Variants in CUX1 observed in about 807,000 individuals in gnomAD.
The protein encoded by CUX1 is protein CASP.
In CUX1, 31 loss-of-function variants were observed where a neutral mutation model predicts 158.8. That is an observed-to-expected ratio of 0.20 (90% CI 0.15 to 0.26). The LOEUF (loss-of-function observed/expected upper bound fraction) is 0.26. Ranked by LOEUF, CUX1 falls within the 10% of genes least tolerant of loss-of-function variation. CUX1 has a pLI of 1.00. For missense variants in CUX1, 1,589 were observed against 2,014.6 expected (o/e 0.79, Z 4.04); for synonymous variants, 879 against 862.1 (o/e 1.02, Z -0.34).
chr7:102,104,799 G>A (rs1292303755), intron 6 of CUX1, among the ~76,000 whole-genome samples: 1 of 152,172 alleles, frequency 6.6e-6, no homozygotes, highest in Non-Finnish European at 1.5e-5. Flanking sequence ...GGCTGAGGCA[G>A]GAGACTCACT....
rs977478213 is a variant in CUX1, at chr7:102,084,658, C to T, written c.269-12706C>T. On this transcript the variant is annotated intron_variant, in intron 4 of 23. Transcript: ENST00000292535. ...CAGGCTGGTCTTGAACTCCTGACCT[C>T]GTGATCTACCCGCCTTGGCCTCCCA... 5.5e-5 allele frequency among the ~76,000 whole-genome samples: 7 copies of T among 127,844 alleles called. 2 individuals carry two copies. Among genetic ancestry groups the T allele is most frequent in the East Asian group, 2.0e-4 (1 of 5,114 alleles). 83.9% of individuals were successfully genotyped at this position (127,844 alleles called of 152,430 possible). A position where few individuals can be genotyped will look rare whatever the true frequency, so the allele number is the denominator to read the frequency against.
intron 1 of CUX1, among the ~76,000 whole-genome samples, chr7:101,906,763 T>C (rs377103185): frequency 1.3e-5 from 2 of 152,126 alleles, no homozygotes; most frequent in Non-Finnish European, 2.9e-5. Flanking sequence ...TGTCTCCTTT[T>C]CCTCATTGCG....
chr7:102,007,299 C>T lies in CUX1; in HGVS notation c.142-20799C>T, dbSNP rs527393362. Among the ~76,000 whole-genome samples the T allele has an allele frequency of 9.2e-5, 14 of 152,248 alleles. No homozygotes were observed. The South Asian group carries it at 2.3e-3, about 25-fold the overall frequency. On this transcript the variant is annotated intron_variant, in intron 2 of 23. Transcript: ENST00000292535. ...GTTCATTCTCAGATCAGACCACTCA[C>T]TCACTGAGGCCCTCGGCTCTTCCAC...
At chr7:101,980,486 G>A (rs1283903556) in intron 2 of CUX1, among the ~76,000 whole-genome samples, 2 of 152,264 alleles carry the variant, frequency 1.3e-5, no homozygotes, top group Non-Finnish European at 2.9e-5. Flanking sequence ...TCCAGCCTGG[G>A]CGACAGAGGG....
At chr7:101,942,795 C>T (rs1348910537) in intron 2 of CUX1, among the ~76,000 whole-genome samples, 1 of 152,232 alleles carries the variant, frequency 6.6e-6, no homozygotes, top group Non-Finnish European at 1.5e-5. Context: ...GCAGCTTGAG[C>T]TCCTCCACCG....
intron 2 of CUX1, among the ~76,000 whole-genome samples, chr7:102,010,329 G>A (rs892546268): frequency 2.0e-5 from 3 of 150,806 alleles, no homozygotes; most frequent in Non-Finnish European, 4.4e-5. Context: ...CAGAGGTGGA[G>A]GTTGCAGTGA....
chr7:102,174,991 A>G (rs1327570064), intron 10 of CUX1, among the ~76,000 whole-genome samples: 1 of 152,196 alleles, frequency 6.6e-6, no homozygotes, highest in Admixed American at 6.5e-5. Context: ...GAGGATGGTC[A>G]TGTCTGTGTC....
chr7:102,265,823 A>G (rs2694159), intron 14 of CUX1, among the ~76,000 whole-genome samples: 64,620 of 151,864 alleles, frequency 0.43, 14,526 homozygotes, highest in African/African-American at 0.58. Context: ...TGCCATCATC[A>G]CAATGAGAGG....
chr7:102,194,464 G>A (rs10270614), intron 13 of CUX1, among the ~76,000 whole-genome samples: 72,622 of 151,266 alleles, frequency 0.48, 18,613 homozygotes, highest in African/African-American at 0.63. Context: ...GCCAAGTACT[G>A]TGACATATAC....
intron 8 of CUX1, among the ~76,000 whole-genome samples, chr7:102,149,216 C>T (rs1356156170): frequency 1.3e-5 from 2 of 152,096 alleles, no homozygotes; most frequent in Non-Finnish European, 2.9e-5. Flanking sequence ...TCCCAGTGTC[C>T]CCTGCTCAGT....
At chr7:102,011,859 T>C (rs971981393) in intron 2 of CUX1, among the ~76,000 whole-genome samples, 4 of 152,022 alleles carry the variant, frequency 2.6e-5, no homozygotes, top group African/African-American at 9.6e-5. Context: ...AATTTCGGTC[T>C]TGTCACCCAG....
intron 2 of CUX1, among the ~76,000 whole-genome samples, chr7:101,991,597 A>T (rs889284824): frequency 3.3e-5 from 5 of 152,110 alleles, no homozygotes. Context: ...TGTCTCTACT[A>T]AAAATACCAA....
intron 1 of CUX1, among the ~76,000 whole-genome samples, chr7:101,882,191 A>G (rs994974796): frequency 6.6e-6 from 1 of 152,188 alleles, no homozygotes; most frequent in African/African-American, 2.4e-5. Context: ...TCTCAAAAAC[A>G]AACAAACAAA....
At chr7:102,214,379 C>T (rs1796840106) in intron 20 of CUX1, among the ~76,000 whole-genome samples, 1 of 152,048 alleles carries the variant, frequency 6.6e-6, no homozygotes, top group South Asian at 2.1e-4. Context: ...TAAAATTTAG[C>T]CGAGCATGGT....
At chr7:102,140,521 C>T (rs1834327499) in intron 8 of CUX1, among the ~76,000 whole-genome samples, 2 of 150,690 alleles carry the variant, frequency 1.3e-5, no homozygotes, top group Admixed American at 1.3e-4. Flanking sequence ...GCTAGGATTA[C>T]AGGCATGAGC....
chr7:102,202,278 G>T lies in CUX1; in HGVS notation c.2907+74G>T, dbSNP rs1795528807. On this transcript the variant is annotated intron_variant, in intron 18 of 23. Coordinates refer to ENST00000292535, the MANE Select transcript of CUX1 (RefSeq NM_181552.4). ...CTGAGGACCAAGTATCTATCCCGCA[G>T]CCTGTGACCCTCACCCATTTCAATT... 11 of 1,519,242 alleles carry T rather than the reference G, an allele frequency of 7.2e-6. No individual in the cohort carries two copies. The South Asian group carries it at 1.3e-4, about 18-fold the overall frequency. The allele number at this position is 1,519,242 out of a possible 1,614,324, so 94.1% of individuals were successfully genotyped here.
upstream of CUX1, chr7:101,817,331 G>A (rs1298271916): frequency 2.0e-6 from 2 of 984,926 alleles, no homozygotes; most frequent in South Asian, 4.7e-5. The surrounding 1 kb of genome is among the most constrained non-coding windows in gnomAD (Gnocchi z 4.1). Flanking sequence ...CCTCTCTGCA[G>A]GGCCCGCCAT....
At chr7:102,277,393 C>T (rs1791685674) in intron 17 of CUX1, among the ~76,000 whole-genome samples, 3 of 151,724 alleles carry the variant, frequency 2.0e-5, no homozygotes. Flanking sequence ...ATCAGGAGTT[C>T]GAGACCAGCC....
At chr7:101,941,807 C>G (rs576609045) in intron 2 of CUX1, among the ~76,000 whole-genome samples, 1 of 152,200 alleles carries the variant, frequency 6.6e-6, no homozygotes, top group Non-Finnish European at 1.5e-5. Context: ...AGCCTTTGGA[C>G]GCACGGGTTA....
Sources: allele counts gnomAD v4.1 joint callset (sites outside exome capture counted in the v4.1 genomes callset), GRCh38; gene constraint gnomAD v4.1.1; non-coding constraint Gnocchi (gnomAD v3.1); transcripts MANE v1.5; gene names NCBI Gene and HGNC (gene_info 2026-07-23, HGNC 2026-07-21).